Variants in CCN4 observed in about 807,000 individuals in gnomAD.
CCN4 encodes CCN family member 4.
In CCN4, 30 loss-of-function variants were observed where a neutral mutation model predicts 36.7. That is an observed-to-expected ratio of 0.82 (90% CI 0.61 to 1.11). The LOEUF (loss-of-function observed/expected upper bound fraction) is 1.11. Ranked by LOEUF, CCN4 falls within the 50% of genes least tolerant of loss-of-function variation. The pLI, the probability that CCN4 is intolerant of heterozygous loss-of-function variation, is 0.00. For missense variants in CCN4, 505 were observed against 504.9 expected (o/e 1.00, Z 0.00); for synonymous variants, 191 against 195.4 (o/e 0.98, Z 0.19).
rs769231267 is a variant in CCN4, at chr8:133,225,593, G to A, written c.804+10G>A. On this transcript the variant is annotated intron_variant, in intron 4 of 4. Coordinates refer to ENST00000250160, the MANE Select transcript of CCN4 (RefSeq NM_003882.4). ...CCATACACTCATTAAGGTGGGTCCA[G>A]AGCAGGTGTGGATGTCTAGACTTCA... The A allele has an allele frequency of 1.9e-6, 3 of 1,567,700 alleles. No homozygotes were observed. In the Admixed American group the frequency reaches 5.2e-5, roughly 27 times the overall value.
Position 133,227,952 on chromosome 8 carries a change from A to ACCACCGAGAT in CCN4, c.*243_*244insCACCGAGATC. ...AAATGCCTGTCTCTAGCTGTTCTGG[A>ACCACCGAGAT]CTACACCCAAGCCTGATCCAGCCTT... On this transcript the variant is annotated 3_prime_UTR_variant, in exon 5 of 5. Coordinates refer to ENST00000250160, the MANE Select transcript of CCN4 (RefSeq NM_003882.4). 1 of 488,036 alleles carries ACCACCGAGAT rather than the reference A, an allele frequency of 2.0e-6. No individual in the cohort carries two copies. The highest frequency in any genetic ancestry group is 3.2e-5 in the South Asian group (1 of 31,426). 30.2% of individuals were successfully genotyped at this position (488,036 alleles called of 1,614,324 possible).
chr8:133,194,362 G>A (rs1588176912), intron 1 of CCN4, among the ~76,000 whole-genome samples: 7 of 115,088 alleles, frequency 6.1e-5, no homozygotes, highest in Admixed American at 8.6e-5. Context: ...GGTGGTGTGT[G>A]GGGGTGTGTG....
intron 1 of CCN4, among the ~76,000 whole-genome samples, chr8:133,197,340 T>C (rs1853426897): frequency 6.6e-6 from 1 of 152,080 alleles, no homozygotes; most frequent in African/African-American, 2.4e-5. Context: ...GAGAGGGGTA[T>C]GTTTAGGACT....
At chr8:133,214,563 C>T (rs1854247780) in intron 2 of CCN4, among the ~76,000 whole-genome samples, 1 of 151,940 alleles carries the variant, frequency 6.6e-6, no homozygotes, top group African/African-American at 2.4e-5. Flanking sequence ...TCAAGTGCTC[C>T]ATCACGGGTA....
At chr8:133,220,926 C>T in intron 3 of CCN4, 85 bp downstream of exon 3, 1 of 1,489,144 alleles carries the variant, frequency 6.7e-7, no homozygotes, top group Non-Finnish European at 9.0e-7. Context: ...CATAGAATGA[C>T]TCATTCCCCA....
chr8:133,208,040 G>A (rs1447008315), intron 1 of CCN4, among the ~76,000 whole-genome samples: 6 of 148,198 alleles, frequency 4.0e-5, no homozygotes, highest in African/African-American at 1.5e-4. Flanking sequence ...GTACAGTAGT[G>A]GGAAAAACAT....
chr8:133,194,284 G>A (rs1447452737), intron 1 of CCN4, among the ~76,000 whole-genome samples: 1 of 135,490 alleles, frequency 7.4e-6, no homozygotes, highest in Admixed American at 7.6e-5. Context: ...GTGTATGTGG[G>A]GTGTGTCTGG....
chr8:133,208,598 A>ACCAG (rs1853868746), intron 1 of CCN4, among the ~76,000 whole-genome samples: 1 of 151,900 alleles, frequency 6.6e-6, no homozygotes, highest in South Asian at 2.1e-4. Flanking sequence ...TGCACCCTAC[A>ACCAG]CCAGGCTCTG....
rs1854382111 is a variant in CCN4, at chr8:133,217,936, C to CCACACACACGCACACACA, written c.350-2636_350-2635insGCACACACACACACACAC. On this transcript the variant is annotated intron_variant, in intron 2 of 4. Coordinates refer to ENST00000250160, the MANE Select transcript of CCN4 (RefSeq NM_003882.4). The stretch of plus-strand genomic sequence containing the variant: ...TTCCGGGCTTAGCCCACTCCCTTCT[C>CCACACACACGCACACACA]CACACACACACACACACACACACAC... Among the ~76,000 whole-genome samples the CCACACACACGCACACACA allele has an allele frequency of 7.6e-5, 11 of 144,526 alleles. No individual in the cohort carries two copies. The South Asian group carries it at 2.4e-3, about 32-fold the overall frequency. 94.8% of individuals were successfully genotyped at this position (144,526 alleles called of 152,430 possible).
intron 1 of CCN4, among the ~76,000 whole-genome samples, chr8:133,203,024 G>T (rs1258075156): frequency 6.6e-6 from 1 of 152,226 alleles, no homozygotes; most frequent in Non-Finnish European, 1.5e-5. Flanking sequence ...TGTCCTGAAA[G>T]CTCCCGGGCC....
chr8:133,205,762 G>C (rs1359430630), intron 1 of CCN4, among the ~76,000 whole-genome samples: 2 of 152,168 alleles, frequency 1.3e-5, no homozygotes, highest in Non-Finnish European at 2.9e-5. Flanking sequence ...CCCCCAGAAG[G>C]AAAGCACTAT....
At chr8:133,196,731 G>A (rs1205637944) in intron 1 of CCN4, among the ~76,000 whole-genome samples, 4 of 152,202 alleles carry the variant, frequency 2.6e-5, no homozygotes, top group African/African-American at 7.2e-5. Context: ...TGTTAAGGGT[G>A]TTGAATGGGG....
In CCN4 at chr8:133,230,149, C is replaced by T. The variant is rs1054834278; in HGVS notation, c.*2439C>T. 2 of 152,232 alleles carry T rather than the reference C, an allele frequency of 1.3e-5. No individual in the cohort carries two copies. Among genetic ancestry groups the T allele is most frequent in the Non-Finnish European group, 2.9e-5 (2 of 68,044 alleles). The allele number at this position is 152,232 out of a possible 1,614,324, so 9.4% of individuals were successfully genotyped here. A position where few individuals can be genotyped will look rare whatever the true frequency, so the allele number is the denominator to read the frequency against. On this transcript the variant is annotated 3_prime_UTR_variant, in exon 5 of 5. Transcript: ENST00000250160. ...GGGTGCAGGAAGGTGGTCAGAATAACCCAGTCGCCATTGGTTTTGAGAAAC... is the reference window on the plus strand; with the variant it reads ...GGGTGCAGGAAGGTGGTCAGAATAATCCAGTCGCCATTGGTTTTGAGAAAC...
At chr8:133,204,996 G>A (rs1347968516) in intron 1 of CCN4, among the ~76,000 whole-genome samples, 1 of 152,242 alleles carries the variant, frequency 6.6e-6, no homozygotes, top group Admixed American at 6.5e-5. Flanking sequence ...GTCCATTAAA[G>A]CCCCAGGGTA....
chr8:133,220,555 G>A (rs752841361), intron 2 of CCN4, 26 bp from the exon 3 acceptor site: 1 of 1,603,660 alleles, frequency 6.2e-7, no homozygotes. Flanking sequence ...AGGCCACTGG[G>A]CCTGACCGGC....
At chr8:133,205,610 T>C (rs893652419) in intron 1 of CCN4, among the ~76,000 whole-genome samples, 12 of 152,044 alleles carry the variant, frequency 7.9e-5, no homozygotes, top group African/African-American at 2.9e-4. Flanking sequence ...CTCTACAGGA[T>C]AGGATATGGG....
At position 133,220,589 on chromosome 8, in the gene CCN4, G is replaced by A. The variant is rs1438543879; in HGVS notation, c.358G>A (p.Gly120Ser). The A allele has an allele frequency of 3.1e-6, 5 of 1,612,492 alleles. No homozygotes were observed. The highest frequency in any genetic ancestry group is 1.7e-4 in the Middle Eastern group (1 of 6,058). Residue 120 changes from glycine (G) to serine (S), a missense_variant, in exon 3 of 5, where the codon GGT (glycine) becomes AGT (serine). Coordinates refer to ENST00000250160, the MANE Select transcript of CCN4 (RefSeq NM_003882.4). ...YAIGVCAQVV[G>S]VGCVLDGVRY... is the part of the protein sequence containing the mutation. ...GCCACCTGTGTTTGCAGAGGTGGTCGGTGTGGGCTGCGTCCTGGATGGGGT... is the reference window on the plus strand; with the variant it reads ...GCCACCTGTGTTTGCAGAGGTGGTCAGTGTGGGCTGCGTCCTGGATGGGGT...
At chr8:133,224,336 A>G (rs1006502508) in intron 3 of CCN4, among the ~76,000 whole-genome samples, 1 of 147,590 alleles carries the variant, frequency 6.8e-6, no homozygotes, top group African/African-American at 2.5e-5. Flanking sequence ...TACCTCCCAG[A>G]TCAAGCAATT....
At chr8:133,196,834 T>C (rs1372008492) in intron 1 of CCN4, among the ~76,000 whole-genome samples, 1 of 151,980 alleles carries the variant, frequency 6.6e-6, no homozygotes, top group Non-Finnish European at 1.5e-5. Context: ...CCAACTTGAG[T>C]GGATGCACCA....
Sources: gnomAD v4.1 joint callset for allele counts (sites outside exome capture counted in the v4.1 genomes callset) on GRCh38, gnomAD v4.1.1 for gene constraint, MANE v1.5 for transcripts, NCBI Gene and HGNC (gene_info 2026-07-23, HGNC 2026-07-21) for gene names.